The following ZP1 variants were observed in gnomAD, a reference collection of about 807,000 sequenced individuals.
The protein encoded by ZP1 is zona pellucida glycoprotein 1, also known as zona pellucida sperm-binding protein 1.
In ZP1, 58 loss-of-function variants were observed where a neutral mutation model predicts 67.4. The observed-to-expected ratio is 0.86, with a 90% CI of 0.70 to 1.07. The LOEUF is 1.07. Ranked by LOEUF, ZP1 falls within the 50% of genes least tolerant of loss-of-function variation. ZP1 has a pLI of 0.00. For missense variants in ZP1, 759 were observed against 807.3 expected (o/e 0.94, Z 0.72); for synonymous variants, 333 against 332.7 (o/e 1.00, Z -0.01).
chr11:60,873,096 T>G (rs1212047413), intron 6 of ZP1, 66 bp from the exon 7 acceptor site: 20 of 1,504,990 alleles, frequency 1.3e-5, no homozygotes, highest in Non-Finnish European at 1.8e-5. Context: ...GGTGCCTAGT[T>G]TATTACGTAA....
chr11:60,874,661 C>T (rs938182678), intron 9 of ZP1, among the ~76,000 whole-genome samples: 17 of 152,218 alleles, frequency 1.1e-4, no homozygotes, highest in Admixed American at 6.5e-4. Context: ...TTACGAAGTG[C>T]GGTGGTCCCC....
chr11:60,875,270 C>T (rs771922675), intron 11 of ZP1, 22 bp downstream of exon 11: 18 of 1,600,496 alleles, frequency 1.1e-5, no homozygotes, highest in Non-Finnish European at 1.5e-5. Flanking sequence ...TCTGGGTGGG[C>T]CCCTCAGGCC....
At chr11:60,875,280 C>T in intron 11 of ZP1, 32 bp downstream of exon 11, 1 of 1,591,262 alleles carries the variant, frequency 6.3e-7, no homozygotes, top group Non-Finnish European at 8.5e-7. Context: ...CCCCTCAGGC[C>T]TTACCCACTC....
chr11:60,870,013 T>G (rs1855536781), intron 3 of ZP1, 113 bp downstream of exon 3: 1 of 1,304,072 alleles, frequency 7.7e-7, no homozygotes, highest in Non-Finnish European at 1.0e-6. Flanking sequence ...TTTTTTTCTT[T>G]TTTTAGAAAA....
rs774154322 is a variant in ZP1 at position 60,869,102 on chromosome 11, G to A, written c.197-43G>A. 9.9e-6 allele frequency: 16 copies of A among 1,612,930 alleles called. No individual in the cohort carries two copies. The South Asian group carries it at 1.5e-4, about 16-fold the overall frequency. On this transcript the variant is annotated intron_variant, in intron 1 of 11. Transcript: ENST00000278853. ...TCCGAGACCCCAGCAACCTCTCCCTGCACCCTTCAACATCCCTGGCCCCTC... is the reference window on the plus strand; with the variant it reads ...TCCGAGACCCCAGCAACCTCTCCCTACACCCTTCAACATCCCTGGCCCCTC...
rs767278679 is a variant in ZP1 at position 60,873,167 on chromosome 11, A to C, written c.1118A>C (p.His373Pro). Residue 373 changes from histidine to proline, a missense_variant, in exon 7 of 12, where the codon CAT (histidine) becomes CCT (proline). Physicochemically the swap from His to Pro is moderately conservative, Grantham distance 77. Transcript: ENST00000278853. ...CTCTTGCACGTGGACTTCAGGCTTC[A>C]TGTGCGCTGTGTCTTCAACGCCAGT... is the stretch of plus-strand genomic sequence containing the variant. ...SITRDSTFQL[H>P]VRCVFNASDF... 1 of 1,581,284 alleles carries C rather than the reference A, an allele frequency of 6.3e-7. No homozygotes were observed. The highest frequency in any genetic ancestry group is 1.4e-5 in the African/African-American group (1 of 74,034).
At position 60,874,139 on chromosome 11, in the gene ZP1, G is replaced by T. The variant is rs911937786; in HGVS notation, c.1572+364G>T. On this transcript the variant is annotated intron_variant, in intron 9 of 11. Transcript: ENST00000278853. ...GAAGGTAAAGGTAGATAAACTCAGG[G>T]TATATTTAGGTCTCCTATGTAATAT... Among the ~76,000 whole-genome samples, 3 of 152,286 alleles carry T rather than the reference G, an allele frequency of 2.0e-5. 1 individual carries two copies. The highest frequency in any genetic ancestry group is 2.0e-4 in the Admixed American group (3 of 15,284).
intron 9 of ZP1, among the ~76,000 whole-genome samples, chr11:60,874,720 G>A (rs577091109): frequency 6.6e-6 from 1 of 152,268 alleles, no homozygotes; most frequent in African/African-American, 2.4e-5. Flanking sequence ...AGCAAGGAAG[G>A]TGTGGATTTC....
Position 60,870,979 on chromosome 11 carries a change from T to C in ZP1, c.849T>C (p.Asp283=). ...GNTATVQCFR[D]GYFVLVVSQE... Reference sequence around the variant, plus strand: ...CAGCTACTGTCCAGTGCTTCAGAGATGGCTACTTCGTCCTCGTGGTGTCCC... The same window carrying C: ...CAGCTACTGTCCAGTGCTTCAGAGACGGCTACTTCGTCCTCGTGGTGTCCC... Residue 283 remains aspartate, a synonymous_variant, in exon 5 of 12, where the codon GAT becomes GAC. Transcript: ENST00000278853. 2 of 1,614,144 alleles carry C rather than the reference T, an allele frequency of 1.2e-6. No individual in the cohort carries two copies. Among genetic ancestry groups the C allele is most frequent in the Non-Finnish European group, 1.7e-6 (2 of 1,179,976 alleles).
chr11:60,874,799 C>A, intron 9 of ZP1, 134 bp from the exon 10 acceptor site: 1 of 758,394 alleles, frequency 1.3e-6, no homozygotes, highest in South Asian at 1.6e-5. Flanking sequence ...CTTGGTCAAG[C>A]AGCTCAGATT....
intron 4 of ZP1, 191 bp downstream of exon 4, chr11:60,870,666 G>A: frequency 1.4e-6 from 1 of 734,306 alleles, no homozygotes; most frequent in Non-Finnish European, 2.1e-6. Context: ...ACTGTCCCAG[G>A]GAACTATTAA....
chr11:60,867,908 CAAG>C (rs1855500546), intron 1 of ZP1, 151 bp downstream of exon 1: 1 of 882,390 alleles, frequency 1.1e-6, no homozygotes, highest in Admixed American at 3.0e-5. Flanking sequence ...CAGAAAAGGG[CAAG>C]GAGGAGAATC....
rs759637052 is a variant in ZP1, at chr11:60,869,748, A to G, written c.530A>G (p.His177Arg). ...TSGHTSQGSGHAFPSPLDPGH... is the reference protein window; with the variant it reads ...TSGHTSQGSGRAFPSPLDPGH... ...GGCCATACCTCCCAAGGCTCTGGCCATGCCTTTCCCAGCCCACTGGACCCA... is the reference window on the plus strand; with the variant it reads ...GGCCATACCTCCCAAGGCTCTGGCCGTGCCTTTCCCAGCCCACTGGACCCA... The change falls in exon 3 of 12, where the codon CAT (histidine) becomes CGT (arginine). Residue 177 changes from histidine (H) to arginine (R), a missense_variant. Coordinates refer to ENST00000278853, the MANE Select transcript of ZP1 (RefSeq NM_207341.4). The G allele has an allele frequency of 1.9e-6, 3 of 1,613,992 alleles. No individual in the cohort carries two copies. In the South Asian group the frequency reaches 3.3e-5, roughly 18 times the overall value.
intron 1 of ZP1, among the ~76,000 whole-genome samples, chr11:60,868,944 G>C (rs1328143153): frequency 6.6e-6 from 1 of 152,154 alleles, no homozygotes; most frequent in Non-Finnish European, 1.5e-5. Context: ...AAGATCCTAA[G>C]ACCCTCCCAT....
In ZP1 at chr11:60,870,939, C is replaced by A; in HGVS notation, c.827-18C>A. On this transcript the variant is annotated intron_variant, in intron 4 of 11. Coordinates refer to ENST00000278853, the MANE Select transcript of ZP1 (RefSeq NM_207341.4). ...GATGGACACCAAACCCCAAGGCCCT[C>A]ATCTGCCTTTGTCCCAGCTACTGTC... 1.2e-6 allele frequency: 2 copies of A among 1,606,092 alleles called. No homozygotes were observed. Among genetic ancestry groups the A allele is most frequent in the Non-Finnish European group, 1.7e-6 (2 of 1,175,718 alleles).
intron 2 of ZP1, 50 bp downstream of exon 2, chr11:60,869,316 T>A: frequency 1.2e-6 from 2 of 1,607,948 alleles, no homozygotes; most frequent in Non-Finnish European, 1.7e-6. Flanking sequence ...CCTAGTGTCA[T>A]GTCAGGCTGA....
Position 60,867,567 on chromosome 11 carries a change from A to AG in ZP1, c.8dup (p.Gly4ArgfsTer23), listed in dbSNP as rs756560953. 27 of 1,607,742 alleles carry AG rather than the reference A, an allele frequency of 1.7e-5. No homozygotes were observed. In the Admixed American group the frequency reaches 4.0e-4, roughly 24 times the overall value. On this transcript the variant is annotated frameshift_variant, in exon 1 of 12. Coordinates refer to ENST00000278853, the MANE Select transcript of ZP1 (RefSeq NM_207341.4). LOFTEE classifies it high-confidence loss of function. ...GGGTGTGTCTGTGGCGTCTCATGGCAGGAGGCTCAGCCACGACCTGGGGTT... is the reference window on the plus strand; with the variant it reads ...GGGTGTGTCTGTGGCGTCTCATGGCAGGGAGGCTCAGCCACGACCTGGGGTT...
intron 9 of ZP1, among the ~76,000 whole-genome samples, chr11:60,874,567 G>A (rs1249020192): frequency 6.6e-6 from 1 of 152,230 alleles, no homozygotes; most frequent in African/African-American, 2.4e-5. Flanking sequence ...CAGTAGGGCA[G>A]GTGGAAGGGA....
At chr11:60,872,646 G>T (rs1261892715) in intron 6 of ZP1, among the ~76,000 whole-genome samples, 1 of 152,214 alleles carries the variant, frequency 6.6e-6, no homozygotes, top group East Asian at 1.9e-4. Context: ...CAGTCTCAGT[G>T]CCCTCAAAGG....
Sources: gnomAD v4.1 joint callset for allele counts (sites outside exome capture counted in the v4.1 genomes callset) on GRCh38, gnomAD v4.1.1 for gene constraint, MANE v1.5 for transcripts, NCBI Gene and HGNC (gene_info 2026-07-23, HGNC 2026-07-21) for gene names.